The following NKAIN3 variants were observed in gnomAD, a reference collection of about 807,000 sequenced individuals.
NKAIN3 encodes the protein sodium/potassium transporting ATPase interacting 3, also known as sodium/potassium-transporting ATPase subunit beta-1-interacting protein 3.
Under a neutral mutation model 30.2 loss-of-function variants are expected in NKAIN3, and 25 were observed. That is an observed-to-expected ratio of 0.83 (90% CI 0.60 to 1.16). The LOEUF (loss-of-function observed/expected upper bound fraction) is 1.16. Among genes scored for constraint, NKAIN3 ranks in the 50% most tolerant of loss-of-function variants. NKAIN3 has a pLI of 0.00. For synonymous variants in NKAIN3, 91 were observed against 89.6 expected, an observed-to-expected ratio of 1.02 and a Z score of -0.09; for missense variants, 225 against 254.1, an observed-to-expected ratio of 0.89 and a Z score of 0.78.
intron 5 of NKAIN3, among the ~76,000 whole-genome samples, chr8:62,942,211 TAC>T (rs1200128821): frequency 1.1e-4 from 4 of 34,932 alleles, no homozygotes; most frequent in Non-Finnish European, 1.6e-4. Context: ...CACATATATA[TAC>T]ACATATATAT....
At chr8:62,538,647 A>T (rs924634294) in intron 1 of NKAIN3, among the ~76,000 whole-genome samples, 4 of 152,204 alleles carry the variant, frequency 2.6e-5, no homozygotes, top group African/African-American at 7.2e-5. Flanking sequence ...ATTTTCTACT[A>T]GTAACAAATT....
chr8:62,682,748 G>A (rs1230266341), intron 3 of NKAIN3, among the ~76,000 whole-genome samples: 1 of 152,028 alleles, frequency 6.6e-6, no homozygotes, highest in African/African-American at 2.4e-5. Flanking sequence ...TTACACAGCA[G>A]AGGCAGCCAT....
At chr8:62,827,693 G>A (rs1052463922) in intron 4 of NKAIN3, among the ~76,000 whole-genome samples, 7 of 151,984 alleles carry the variant, frequency 4.6e-5, no homozygotes, top group African/African-American at 7.3e-5. Context: ...TATATATTGT[G>A]TAAATTTTAA....
chr8:62,542,357 G>C (rs1299557347), intron 1 of NKAIN3, among the ~76,000 whole-genome samples: 1 of 152,094 alleles, frequency 6.6e-6, no homozygotes, highest in Non-Finnish European at 1.5e-5. Context: ...GTGAAAAGGG[G>C]TTTCTCAGGT....
intron 3 of NKAIN3, among the ~76,000 whole-genome samples, chr8:62,623,014 G>A (rs1277947187): frequency 2.0e-5 from 3 of 152,040 alleles, no homozygotes; most frequent in African/African-American, 7.2e-5. Flanking sequence ...TGTGTGGTGT[G>A]TGTGTGAGTC....
intron 3 of NKAIN3, among the ~76,000 whole-genome samples, chr8:62,621,581 G>GT (rs2130231230): frequency 6.6e-6 from 1 of 151,988 alleles, no homozygotes; most frequent in African/African-American, 2.4e-5. Flanking sequence ...ATTTTCCTAT[G>GT]TCATAAATGT....
chr8:62,278,389 T>A (rs1031059732), intron 1 of NKAIN3, among the ~76,000 whole-genome samples: 13 of 152,202 alleles, frequency 8.5e-5, no homozygotes, highest in Middle Eastern at 3.4e-3. Context: ...CTGGTTTTTT[T>A]TTTTTATACT....
At chr8:62,796,123 C>A (rs772864410) in intron 4 of NKAIN3, among the ~76,000 whole-genome samples, 1 of 152,028 alleles carries the variant, frequency 6.6e-6, no homozygotes. Context: ...GTGGCTCACA[C>A]CTGTAATCCC....
At chr8:62,347,741 A>G (rs1816046712) in intron 1 of NKAIN3, among the ~76,000 whole-genome samples, 1 of 152,156 alleles carries the variant, frequency 6.6e-6, no homozygotes, top group Admixed American at 6.6e-5. Flanking sequence ...AGCTAGTTAG[A>G]GCAAAACTAA....
At chr8:62,929,072 G>T (rs1822536814) in intron 5 of NKAIN3, among the ~76,000 whole-genome samples, 1 of 152,194 alleles carries the variant, frequency 6.6e-6, no homozygotes, top group South Asian at 2.1e-4. Flanking sequence ...GGAGCTAAGA[G>T]GCAAAGGCCA....
chr8:62,804,885 T>C (rs1172742958), intron 4 of NKAIN3, among the ~76,000 whole-genome samples: 1 of 152,206 alleles, frequency 6.6e-6, no homozygotes, highest in Non-Finnish European at 1.5e-5. Flanking sequence ...AGGACATGAT[T>C]GTATATCCAG....
At chr8:62,891,840 T>A (rs961115508) in intron 4 of NKAIN3, among the ~76,000 whole-genome samples, 1 of 152,186 alleles carries the variant, frequency 6.6e-6, no homozygotes, top group East Asian at 1.9e-4. Flanking sequence ...ATCCTCTTTC[T>A]CTTCTTCCTT....
At chr8:62,769,472 T>C (rs1305474499) in intron 4 of NKAIN3, among the ~76,000 whole-genome samples, 2 of 152,220 alleles carry the variant, frequency 1.3e-5, no homozygotes, top group Non-Finnish European at 2.9e-5. Context: ...CCCAAACATT[T>C]GGTTAATTCA....
chr8:62,854,175 G>A (rs1819994003), intron 4 of NKAIN3, among the ~76,000 whole-genome samples: 1 of 152,158 alleles, frequency 6.6e-6, no homozygotes. Context: ...TATGTATTCT[G>A]TTGTTTTGGG....
chr8:62,494,901 T>C (rs1049892882), intron 1 of NKAIN3, among the ~76,000 whole-genome samples: 3 of 152,146 alleles, frequency 2.0e-5, no homozygotes, highest in African/African-American at 7.2e-5. Context: ...CTTCTCTCTT[T>C]TCTTTTTATT....
chr8:62,406,537 C>T (rs1384117314), intron 1 of NKAIN3, among the ~76,000 whole-genome samples: 1 of 152,038 alleles, frequency 6.6e-6, no homozygotes, highest in East Asian at 1.9e-4. Flanking sequence ...TATTTGGAAG[C>T]TGTTGCTTTC....
chr8:62,403,065 G>A (rs1357124743), intron 1 of NKAIN3, among the ~76,000 whole-genome samples: 1 of 152,202 alleles, frequency 6.6e-6, no homozygotes, highest in African/African-American at 2.4e-5. Flanking sequence ...GGTCTCAGAT[G>A]GAGATGAGAA....
At chr8:62,455,616 C>A (rs746628674) in intron 1 of NKAIN3, among the ~76,000 whole-genome samples, 1 of 152,106 alleles carries the variant, frequency 6.6e-6, no homozygotes, top group African/African-American at 2.4e-5. Context: ...CAAACCTCAG[C>A]GTTATGCAAT....
chr8:62,359,028 C>T (rs769696834), intron 1 of NKAIN3, among the ~76,000 whole-genome samples: 8 of 151,952 alleles, frequency 5.3e-5, no homozygotes, highest in Non-Finnish European at 1.2e-4. Flanking sequence ...AAAAAAAATA[C>T]AAAAAATTAG....
Sources: gnomAD v4.1 joint callset for allele counts (sites outside exome capture counted in the v4.1 genomes callset) on GRCh38, gnomAD v4.1.1 for gene constraint, MANE v1.5 for transcripts, NCBI Gene and HGNC (gene_info 2026-07-23, HGNC 2026-07-21) for gene names.